TNRC18: variants seen among roughly 807,000 people sequenced by gnomAD.
TNRC18 encodes trinucleotide repeat containing 18.
A neutral mutation model predicts 226.7 loss-of-function variants in TNRC18; 69 were observed. The ratio of observed to expected loss-of-function variants is 0.30; its 90% CI spans 0.25 to 0.37. TNRC18 has a LOEUF of 0.37. Among genes scored for constraint, TNRC18 ranks in the 10% least tolerant of loss-of-function variants. The pLI is 1.00. For missense variants in TNRC18, 4,754 were observed against 4,256.6 expected (o/e 1.12, Z -3.25); for synonymous variants, 2,449 against 1,927.6 (o/e 1.27, Z -7.09).
intron 10 of TNRC18, among the ~76,000 whole-genome samples, chr7:5,371,638 C>T (rs77380655): frequency 6.6e-6 from 1 of 152,340 alleles, no homozygotes; most frequent in East Asian, 1.9e-4. Context: ...TCCCACTCAG[C>T]ACCCAGCACA....
At chr7:5,375,098 C>G (rs963789689) in intron 9 of TNRC18, among the ~76,000 whole-genome samples, 2 of 152,098 alleles carry the variant, frequency 1.3e-5, no homozygotes, top group African/African-American at 4.8e-5. Context: ...TCACCTGAGG[C>G]CAGGAAGACC....
At chr7:5,326,517 T>A (rs1172821382) in intron 19 of TNRC18, among the ~76,000 whole-genome samples, 1 of 152,096 alleles carries the variant, frequency 6.6e-6, no homozygotes, top group Non-Finnish European at 1.5e-5. Flanking sequence ...CAATGACAGC[T>A]GACTGATAGC....
At chr7:5,389,460 G>GTTTTTTTTTT (rs1780114169) in intron 4 of TNRC18, 124 bp from the exon 5 acceptor site, 4 of 535,676 alleles carry the variant, frequency 7.5e-6, no homozygotes, top group African/African-American at 1.4e-4. Context: ...TTTTGGTTTT[G>GTTTTTTTTTT]GTTTTTTTTT....
intron 12 of TNRC18, 87 bp downstream of exon 12, chr7:5,362,563 C>T (rs1346726318): frequency 1.8e-5 from 23 of 1,300,982 alleles, no homozygotes; most frequent in East Asian, 7.9e-5. Context: ...AAGCCAGCCA[C>T]GCCCCAGGCA....
At chr7:5,320,191 A>G in intron 24 of TNRC18, 127 bp downstream of exon 24, 3 of 717,124 alleles carry the variant, frequency 4.2e-6, no homozygotes, top group Non-Finnish European at 4.8e-6. Context: ...TGAAGGCCAT[A>G]CAGTTTTCAG....
At chr7:5,387,563 C>T (rs144659432) in intron 5 of TNRC18, 109 bp downstream of exon 5, 36 of 1,446,510 alleles carry the variant, frequency 2.5e-5, no homozygotes, top group Non-Finnish European at 3.4e-5. Context: ...AAAAATGATA[C>T]TTATAAAGAC....
In TNRC18 at chr7:5,389,159, T is replaced by C. The variant is rs1780077944; in HGVS notation, c.665A>G (p.Lys222Arg). Residue 222 changes from lysine to arginine, a missense_variant, in exon 5 of 30, where the codon AAG becomes AGG. Transcript: ENST00000430969. ...CTCGCCCCGGGCGCGCGGGTCCTTC[T>C]TGCCGAAAAGCGGAGGCGGCTCCCC... ...RGGEPPPLFGKKDPRARGEEA... is the reference protein window; with the variant it reads ...RGGEPPPLFGRKDPRARGEEA... 1.5e-6 allele frequency: 2 copies of C among 1,326,830 alleles called. No homozygotes were observed. The highest frequency in any genetic ancestry group is 1.9e-6 in the Non-Finnish European group (2 of 1,038,926). The allele number at this position is 1,326,830 out of a possible 1,614,324, so 82.2% of individuals were successfully genotyped here.
chr7:5,356,524 G>C (rs1189455429), intron 16 of TNRC18, among the ~76,000 whole-genome samples: 1 of 152,270 alleles, frequency 6.6e-6, no homozygotes, highest in Non-Finnish European at 1.5e-5. Flanking sequence ...ACCCTCAAGA[G>C]CAGTCGCGCT....
At chr7:5,359,232 T>G (rs1392111962) in intron 15 of TNRC18, among the ~76,000 whole-genome samples, 166 bp downstream of exon 15, 4 of 152,162 alleles carry the variant, frequency 2.6e-5, no homozygotes, top group African/African-American at 7.2e-5. Context: ...TCTCCCCCTC[T>G]GTACAATAAG....
At chr7:5,396,975 T>A (rs961210359) in intron 2 of TNRC18, among the ~76,000 whole-genome samples, 12 of 152,172 alleles carry the variant, frequency 7.9e-5, no homozygotes, top group Non-Finnish European at 1.8e-4. Flanking sequence ...GTGGGGAAAC[T>A]GAGGCAAAGA....
At chr7:5,314,950 C>G (rs1787693702) in intron 26 of TNRC18, 34 bp downstream of exon 26, 14 of 1,579,188 alleles carry the variant, frequency 8.9e-6, no homozygotes, top group Non-Finnish European at 1.2e-5. Context: ...GGAGATCCGC[C>G]CACCGCCCTG....
chr7:5,399,718 A>C (rs1008916910), intron 2 of TNRC18, among the ~76,000 whole-genome samples: 2 of 151,184 alleles, frequency 1.3e-5, no homozygotes, highest in African/African-American at 4.9e-5. Context: ...AAACAAAAAC[A>C]AAAAAACCTA....
At position 5,312,426 on chromosome 7, in the gene TNRC18, A is replaced by T. The variant is rs563898090; in HGVS notation, c.8388+77T>A. The T allele has an allele frequency of 6.5e-7, 1 of 1,536,556 alleles. No individual in the cohort carries two copies. The highest frequency in any genetic ancestry group is 8.7e-7 in the Non-Finnish European group (1 of 1,147,520). ...GGGAGGTTACCACACACGGAGACAC[A>T]GCATGAAGCCGTGGGCCCAGCAGAG... On this transcript the variant is annotated intron_variant, in intron 27 of 29. Coordinates refer to ENST00000430969, the MANE Select transcript of TNRC18 (RefSeq NM_001080495.3). This position sits in a 1 kb window ranked among gnomAD's most constrained non-coding sequence, Gnocchi z 6.3.
Position 5,324,456 on chromosome 7 carries a change from G to A in TNRC18, c.6301-101C>T. ...AACCTGGAGCCACAGTCAGGCCGCA[G>A]GGGGAATCTGTCATGTGCATGGCAG... On this transcript the variant is annotated intron_variant, in intron 20 of 29. Coordinates refer to ENST00000430969, the MANE Select transcript of TNRC18 (RefSeq NM_001080495.3). This position sits in a 1 kb window ranked among gnomAD's most constrained non-coding sequence, Gnocchi z 4.8. The A allele has an allele frequency of 1.4e-6, 2 of 1,480,860 alleles. No homozygotes were observed. The highest frequency in any genetic ancestry group is 1.8e-6 in the Non-Finnish European group (2 of 1,091,542). 91.7% of individuals were successfully genotyped at this position (1,480,860 alleles called of 1,614,324 possible).
intron 3 of TNRC18, among the ~76,000 whole-genome samples, chr7:5,391,934 G>C (rs1298537188): frequency 6.6e-6 from 1 of 151,450 alleles, no homozygotes; most frequent in African/African-American, 2.4e-5. Flanking sequence ...CTGGGTAAGG[G>C]TCCTGATTCT....
chr7:5,325,687 G>C (rs1045327003), intron 19 of TNRC18: 2 of 156,964 alleles, frequency 1.3e-5, no homozygotes, highest in African/African-American at 5.0e-5. Context: ...GCCTCCCAAA[G>C]TGCTGGGATT....
rs1460794317 is a variant in TNRC18 at position 5,394,788 on chromosome 7, C to T, written c.188-193G>A. ...GGGCTGCAAGATGGTCCTGGATCAA[C>T]CCAACCAGACCCAGGGCTTGAGAAA... On this transcript the variant is annotated intron_variant, in intron 2 of 29. Transcript: ENST00000430969. This position sits in a 1 kb window ranked among gnomAD's most constrained non-coding sequence, Gnocchi z 4.5. Among the ~76,000 whole-genome samples the T allele has an allele frequency of 3.9e-5, 6 of 152,102 alleles. No individual in the cohort carries two copies. The highest frequency in any genetic ancestry group is 7.4e-5 in the Non-Finnish European group (5 of 67,974).
At position 5,313,184 on chromosome 7, in the gene TNRC18, G is replaced by A. The variant is rs1235459000; in HGVS notation, c.7707C>T (p.Ser2569=). The A allele has an allele frequency of 1.3e-6, 2 of 1,541,452 alleles. No individual in the cohort carries two copies. The highest frequency in any genetic ancestry group is 2.0e-5 in the Admixed American group (1 of 50,888). Reference sequence around the variant, plus strand: ...CGCTGCTGCTGCTGCTGCTGCTGCTGCTACTGCTGCCACTACTGCTGCTGC... The same window carrying A: ...CGCTGCTGCTGCTGCTGCTGCTGCTACTACTGCTGCCACTACTGCTGCTGC... ...SSSSSSSGSS[S]SSSSSSSSGS... Residue 2569 remains serine (S), a synonymous_variant, in exon 27 of 30, where the codon AGC becomes AGT. Coordinates refer to ENST00000430969, the MANE Select transcript of TNRC18 (RefSeq NM_001080495.3).
chr7:5,364,127 T>C (rs1793367616), intron 11 of TNRC18, among the ~76,000 whole-genome samples: 2 of 152,060 alleles, frequency 1.3e-5, no homozygotes, highest in Middle Eastern at 3.4e-3. Context: ...GGTGAAACCC[T>C]GTCTCTACTA....
Sources: allele counts gnomAD v4.1 joint callset (sites outside exome capture counted in the v4.1 genomes callset), GRCh38; gene constraint gnomAD v4.1.1; non-coding constraint Gnocchi (gnomAD v3.1); transcripts MANE v1.5; gene names NCBI Gene and HGNC (gene_info 2026-07-23, HGNC 2026-07-21).